Variants in GBE1 observed in about 807,000 individuals in gnomAD.
GBE1 encodes the protein 1,4-alpha-glucan-branching enzyme.
A neutral mutation model predicts 88.8 loss-of-function variants in GBE1; 70 were observed. The observed-to-expected ratio is 0.79, with a 90% CI of 0.65 to 0.96. The LOEUF is 0.96. Among genes scored for constraint, GBE1 ranks in the 40% least tolerant of loss-of-function variants. GBE1 has a pLI of 0.00. For missense variants in GBE1, 872 were observed against 871.0 expected (o/e 1.00, Z -0.01); for synonymous variants, 284 against 300.1 (o/e 0.95, Z 0.56).
chr3:81,619,972 AC>A (rs1198044161), intron 7 of GBE1, among the ~76,000 whole-genome samples: 6 of 152,178 alleles, frequency 3.9e-5, no homozygotes, highest in Non-Finnish European at 7.4e-5. Context: ...CCATTAAAAA[AC>A]ATATACATTT....
chr3:81,685,657 C>T (rs1304080048), intron 2 of GBE1, among the ~76,000 whole-genome samples: 1 of 152,180 alleles, frequency 6.6e-6, no homozygotes, highest in African/African-American at 2.4e-5. Context: ...GCTGGTATTA[C>T]AAGCGTGAGC....
chr3:81,705,586 C>T lies in GBE1; in HGVS notation c.171G>A (p.Lys57=). The T allele has an allele frequency of 6.4e-7, 1 of 1,567,990 alleles. No homozygotes were observed. The highest frequency in any genetic ancestry group is 1.2e-5 in the South Asian group (1 of 84,228). ...RRYKQFSQIL[K]NIGENEGGID... is the part of the protein sequence containing the mutation. ...TACCACCTTCATTTTCTCCAATGTT[C>T]TTCAAAATTTGGCTAAACTGCTTAT... The change falls in exon 2 of 16, where the codon AAG becomes AAA. Residue 57 remains lysine (K), a synonymous_variant. Transcript: ENST00000429644.
chr3:81,700,639 C>G (rs576718682), intron 2 of GBE1, among the ~76,000 whole-genome samples: 2 of 151,782 alleles, frequency 1.3e-5, no homozygotes, highest in Admixed American at 6.6e-5. Context: ...TTTCAGAGCA[C>G]GTGGGATTAA....
Position 81,591,511 on chromosome 3 carries a change from A to C in GBE1, c.1109-347T>G, listed in dbSNP as rs1703876824. On this transcript the variant is annotated intron_variant, in intron 8 of 15. Coordinates refer to ENST00000429644, the MANE Select transcript of GBE1 (RefSeq NM_000158.4). ...TCAATACATTTTCTGTCACATTAAG[A>C]TGTTAATGTTAGTTTGTATTAGATC... 1.3e-5 allele frequency among the ~76,000 whole-genome samples: 2 copies of C among 152,304 alleles called. 1 individual carries two copies. Among genetic ancestry groups the C allele is most frequent in the Middle Eastern group, 6.8e-3 (2 of 294 alleles).
chr3:81,578,217 A>C, intron 11 of GBE1, 121 bp from the exon 12 acceptor site: 2 of 681,356 alleles, frequency 2.9e-6, no homozygotes, highest in Non-Finnish European at 4.6e-6. Flanking sequence ...TGTGTAGATT[A>C]ATATTAATTT....
intron 15 of GBE1, 71 bp downstream of exon 15, chr3:81,499,039 T>C (rs1268830828): frequency 3.4e-6 from 3 of 874,680 alleles, no homozygotes; most frequent in Non-Finnish European, 5.4e-6. Context: ...AGTTGTTTAT[T>C]TGAACAAAAA....
At chr3:81,502,723 C>T (rs1702604961) in intron 14 of GBE1, among the ~76,000 whole-genome samples, 1 of 151,910 alleles carries the variant, frequency 6.6e-6, no homozygotes, top group Admixed American at 6.6e-5. Flanking sequence ...CACTTGGGTA[C>T]TCCCTCACTC....
chr3:81,617,627 CTTG>C (rs1227840215), intron 7 of GBE1, among the ~76,000 whole-genome samples: 4 of 151,718 alleles, frequency 2.6e-5, no homozygotes, highest in Non-Finnish European at 4.4e-5. Context: ...TTGCTAATAT[CTTG>C]TTAAGAATTT....
chr3:81,612,217 CT>C, intron 7 of GBE1: 10 of 294,764 alleles, frequency 3.4e-5, no homozygotes, highest in Admixed American at 7.0e-5. Flanking sequence ...ATCCACGCTC[CT>C]TTAAAAAAAA....
intron 5 of GBE1, 63 bp from the exon 6 acceptor site, chr3:81,646,545 A>G: frequency 2.3e-6 from 2 of 880,074 alleles, no homozygotes; most frequent in South Asian, 3.1e-5. Context: ...TAATGGGGAA[A>G]AAAAGCATCC....
chr3:81,754,991 T>A (rs377057283), intron 1 of GBE1, among the ~76,000 whole-genome samples: 9 of 152,050 alleles, frequency 5.9e-5, no homozygotes, highest in East Asian at 5.8e-4. Flanking sequence ...TAAATCAAGC[T>A]AAAAAGCTTC....
intron 14 of GBE1, among the ~76,000 whole-genome samples, chr3:81,506,846 C>T (rs770866312): frequency 1.3e-5 from 2 of 152,116 alleles, no homozygotes; most frequent in Non-Finnish European, 2.9e-5. Context: ...CATGTTCTCA[C>T]TTAAGCAGAG....
intron 1 of GBE1, among the ~76,000 whole-genome samples, chr3:81,712,398 C>G (rs550566921): frequency 4.0e-4 from 61 of 152,210 alleles, no homozygotes; most frequent in African/African-American, 1.4e-3. Flanking sequence ...GGAACCAACC[C>G]AAATGTCCAT....
chr3:81,685,964 T>A (rs920590267), intron 2 of GBE1, among the ~76,000 whole-genome samples: 4 of 152,214 alleles, frequency 2.6e-5, no homozygotes, highest in African/African-American at 4.8e-5. Flanking sequence ...CACCACAGAC[T>A]TGAAAATTTC....
intron 13 of GBE1, 105 bp from the exon 14 acceptor site, chr3:81,535,430 A>G: frequency 1.9e-6 from 2 of 1,050,012 alleles, no homozygotes; most frequent in Non-Finnish European, 2.7e-6. Flanking sequence ...ACCAAAAATG[A>G]GTATTTCAGA....
intron 14 of GBE1, among the ~76,000 whole-genome samples, chr3:81,527,294 C>G (rs1447714891): frequency 6.6e-6 from 1 of 152,052 alleles, no homozygotes; most frequent in Non-Finnish European, 1.5e-5. Flanking sequence ...CAATACCATT[C>G]AGGACATAGG....
At chr3:81,535,160 T>C (rs1255166540) in intron 14 of GBE1, 35 bp downstream of exon 14, 1 of 1,559,966 alleles carries the variant, frequency 6.4e-7, no homozygotes, top group Non-Finnish European at 8.7e-7. Context: ...GAAGTGAATG[T>C]GGACAGTCAT....
chr3:81,538,393 G>C (rs1390303024), intron 12 of GBE1, among the ~76,000 whole-genome samples: 2 of 151,824 alleles, frequency 1.3e-5, no homozygotes, highest in African/African-American at 2.4e-5. Context: ...AAATAAATAG[G>C]TGTATAGCAG....
chr3:81,536,093 T>C (rs992830321), intron 13 of GBE1, among the ~76,000 whole-genome samples: 5 of 151,962 alleles, frequency 3.3e-5, no homozygotes, highest in Non-Finnish European at 4.4e-5. Context: ...GTTGTTCCTA[T>C]TGAAAAGGAG....
Sources: allele counts gnomAD v4.1 joint callset (sites outside exome capture counted in the v4.1 genomes callset), GRCh38; gene constraint gnomAD v4.1.1; transcripts MANE v1.5; gene names NCBI Gene and HGNC (gene_info 2026-07-23, HGNC 2026-07-21).